SCN1A: variants seen among roughly 807,000 people sequenced by gnomAD.
SCN1A encodes sodium channel protein type 1 subunit alpha.
Under a neutral mutation model 193.7 loss-of-function variants are expected in SCN1A, and 13 were observed. That is an observed-to-expected ratio of 0.07 (90% CI 0.04 to 0.11). The LOEUF (loss-of-function observed/expected upper bound fraction) is 0.11, where lower values mean the gene tolerates loss of function less well. Ranked by LOEUF, SCN1A falls within the 10% of genes least tolerant of loss-of-function variation. The pLI, the probability that SCN1A is intolerant of heterozygous loss-of-function variation, is 1.00. For synonymous variants in SCN1A, 781 were observed against 843.6 expected, an observed-to-expected ratio of 0.93 and a Z score of 1.29; for missense variants, 1,432 against 2,451.1, an observed-to-expected ratio of 0.58 and a Z score of 8.78.
At chr2:166,134,029 A>G (rs2106291017) in intron 1 of SCN1A, 1 of 152,336 alleles carries the variant, frequency 6.6e-6, no homozygotes, top group South Asian at 2.1e-4. Flanking sequence ...ATGAATAAAA[A>G]TTCCGTAATA....
Position 166,041,445 on chromosome 2 carries a change from C to T in SCN1A, c.2201G>A (p.Cys734Tyr), listed in dbSNP as rs1247949520. ...VEELEESRQK[C>Y]PPCWYKFSNI... Reference sequence around the variant, plus strand: ...GGAAAATTTATACCAACAGGGTGGGCATTTCTGCCTGGATTCTTCAAGTTC... The same window carrying T: ...GGAAAATTTATACCAACAGGGTGGGTATTTCTGCCTGGATTCTTCAAGTTC... Residue 734 changes from cysteine (C) to tyrosine (Y), a missense_variant, in exon 16 of 29, where the codon TGC becomes TAC. By Grantham distance (194) the Cys-to-Tyr change is radical. Coordinates refer to ENST00000674923, the MANE Select transcript of SCN1A (RefSeq NM_001165963.4). 5.0e-6 allele frequency: 8 copies of T among 1,591,890 alleles called. No homozygotes were observed. Among genetic ancestry groups the T allele is most frequent in the African/African-American group, 2.7e-5 (2 of 72,772 alleles).
intron 19 of SCN1A, among the ~76,000 whole-genome samples, chr2:166,034,173 A>G (rs1696026657): frequency 6.6e-6 from 1 of 152,106 alleles, no homozygotes. Context: ...TCTATCTACT[A>G]TTACATCTCT....
rs1253956567 is a variant in SCN1A at position 166,038,072 on chromosome 2, C to T, written c.2650G>A (p.Gly884Ser). Residue 884 changes from glycine to serine, a missense_variant, in exon 18 of 29, where the codon GGC becomes AGC. This residue lies in a region of SCN1A where 93 missense variants were observed against 260.4 expected (regional missense o/e 0.36). Coordinates refer to ENST00000674923, the MANE Select transcript of SCN1A (RefSeq NM_001165963.4). ...TTTCCCAGAGCCCCCACGGAATTGC[C>T]GATGATCTTTATTAGCATATTTAAC... Reference protein sequence around the residue: ...PTLNMLIKIIGNSVGALGNLT... With the variant: ...PTLNMLIKIISNSVGALGNLT... The T allele has an allele frequency of 1.9e-6, 3 of 1,614,084 alleles. No homozygotes were observed. The highest frequency in any genetic ancestry group is 1.7e-5 in the Admixed American group (1 of 60,014).
At chr2:166,131,050 C>T (rs1691637965), upstream of SCN1A, among the ~76,000 whole-genome samples, 1 of 147,868 alleles carries the variant, frequency 6.8e-6, no homozygotes, top group Admixed American at 6.8e-5. Context: ...CCCTGTGGAA[C>T]CAGCTTTGCA....
chr2:166,088,054 G>T (rs1574437215), intron 2 of SCN1A, among the ~76,000 whole-genome samples: 1 of 131,222 alleles, frequency 7.6e-6, no homozygotes, highest in Non-Finnish European at 1.6e-5. Context: ...CAATCTGTGT[G>T]TTTGTGTGTG....
At chr2:166,025,797 A>G (rs1574113961) in intron 19 of SCN1A, among the ~76,000 whole-genome samples, 2 of 152,108 alleles carry the variant, frequency 1.3e-5, no homozygotes, top group Middle Eastern at 6.8e-3. Flanking sequence ...CTAATTTCTC[A>G]AAGATATTTG....
At chr2:166,063,379 T>C (rs1683519672) in intron 4 of SCN1A, among the ~76,000 whole-genome samples, 1 of 152,132 alleles carries the variant, frequency 6.6e-6, no homozygotes, top group African/African-American at 2.4e-5. Flanking sequence ...ACCAAGTTTA[T>C]TGGGCATATA....
rs1688982524 is a variant in SCN1A, at chr2:165,990,484, G to A, written c.*761C>T. On this transcript the variant is annotated 3_prime_UTR_variant, in exon 29 of 29. Transcript: ENST00000674923. ...CATTTATGACTCCAAACATTTGAAT[G>A]AAGTTTGCACCTGCTAAGATTTACT... The A allele has an allele frequency of 6.6e-6, 1 of 152,374 alleles. No individual in the cohort carries two copies. Among genetic ancestry groups the A allele is most frequent in the Non-Finnish European group, 1.5e-5 (1 of 68,000 alleles). The allele number at this position is 152,374 out of a possible 1,614,324, so 9.4% of individuals were successfully genotyped here.
chr2:166,073,757 G>T, intron 3 of SCN1A, 87 bp from the exon 4 acceptor site: 1 of 1,003,048 alleles, frequency 1.0e-6, no homozygotes, highest in South Asian at 1.7e-5. Context: ...ATGAGCTAGA[G>T]GATTTAAAGT....
chr2:166,071,047 C>T (rs1483654169), intron 4 of SCN1A, among the ~76,000 whole-genome samples: 1 of 152,104 alleles, frequency 6.6e-6, no homozygotes, highest in Non-Finnish European at 1.5e-5. Flanking sequence ...TAACATATCC[C>T]AAGAGCAGCC....
At chr2:166,026,908 C>A (rs1328678444) in intron 19 of SCN1A, among the ~76,000 whole-genome samples, 1 of 152,008 alleles carries the variant, frequency 6.6e-6, no homozygotes, top group Non-Finnish European at 1.5e-5. Flanking sequence ...TGGTCTCGAT[C>A]TCCTGACCTC....
At chr2:166,028,893 A>C (rs1433768931) in intron 19 of SCN1A, among the ~76,000 whole-genome samples, 2 of 152,134 alleles carry the variant, frequency 1.3e-5, no homozygotes, top group African/African-American at 4.8e-5. Flanking sequence ...AGTAGTATAG[A>C]GTATATTGAG....
intron 2 of SCN1A, among the ~76,000 whole-genome samples, chr2:166,082,376 A>C (rs1473676219): frequency 1.3e-5 from 2 of 152,036 alleles, no homozygotes; most frequent in African/African-American, 4.8e-5. Context: ...AATAGTTATG[A>C]AATATTCTTT....
upstream of SCN1A, among the ~76,000 whole-genome samples, chr2:166,128,655 C>G (rs1223208463): frequency 6.6e-6 from 1 of 152,184 alleles, no homozygotes. Flanking sequence ...TTAAACAAGA[C>G]TTTCAACCCA....
At chr2:166,141,082 CT>C (rs1321473434) in intron 1 of SCN1A, among the ~76,000 whole-genome samples, 1 of 152,124 alleles carries the variant, frequency 6.6e-6, no homozygotes, top group Non-Finnish European at 1.5e-5. Context: ...CCTTCTGCAC[CT>C]TGAACATGTA....
intron 23 of SCN1A, 79 bp from the exon 24 acceptor site, chr2:166,002,832 G>T: frequency 8.5e-7 from 1 of 1,173,298 alleles, no homozygotes; most frequent in Non-Finnish European, 1.2e-6. Flanking sequence ...AGTAATCTCT[G>T]GTCTTTCCAT....
intron 1 of SCN1A, among the ~76,000 whole-genome samples, chr2:166,134,671 A>G (rs890508674): frequency 6.6e-6 from 1 of 152,206 alleles, no homozygotes; most frequent in Non-Finnish European, 1.5e-5. Flanking sequence ...TCCAGGAAGC[A>G]AACTATCTTG....
intron 1 of SCN1A, among the ~76,000 whole-genome samples, chr2:166,142,845 A>G (rs923699040): frequency 6.6e-6 from 1 of 152,302 alleles, no homozygotes; most frequent in East Asian, 1.9e-4. Flanking sequence ...TAGTAAGTGA[A>G]TAAGCCTCAT....
chr2:166,017,339 A>C (rs1402350146), intron 19 of SCN1A, among the ~76,000 whole-genome samples: 2 of 151,934 alleles, frequency 1.3e-5, no homozygotes, highest in African/African-American at 2.4e-5. Context: ...ACTGAATTTA[A>C]AACATATCCA....
Sources: allele counts gnomAD v4.1 joint callset (sites outside exome capture counted in the v4.1 genomes callset), GRCh38; gene constraint gnomAD v4.1.1; regional missense constraint gnomAD v4.1.1; transcripts MANE v1.5; gene names NCBI Gene and HGNC (gene_info 2026-07-23, HGNC 2026-07-21).